The following ABLIM1 variants were observed in gnomAD, a reference collection of about 807,000 sequenced individuals.
ABLIM1 encodes actin binding LIM protein 1.
A neutral mutation model predicts 107.0 loss-of-function variants in ABLIM1; 40 were observed. That is an observed-to-expected ratio of 0.37 (90% CI 0.29 to 0.49). The LOEUF (loss-of-function observed/expected upper bound fraction) is 0.49, where lower values mean the gene tolerates loss of function less well. Among genes scored for constraint, ABLIM1 ranks in the 20% least tolerant of loss-of-function variants. The probability of loss-of-function intolerance (pLI) is 0.97; values close to 1 mark genes in which losing one functional copy is unlikely to be tolerated. For synonymous variants in ABLIM1, 357 were observed against 357.3 expected, an observed-to-expected ratio of 1.00 and a Z score of 0.01; for missense variants, 857 against 1,008.5, an observed-to-expected ratio of 0.85 and a Z score of 2.04.
In ABLIM1 at chr10:114,444,111, C is replaced by T. The variant is rs749651541; in HGVS notation, c.1851G>A (p.Leu617=). ...CTTTCTCCATCTCTTCTTTCAAGAT[C>T]AACTGTCCCAGGCCTGAGTTAAGCT... is the stretch of plus-strand genomic sequence containing the variant. The part of the protein sequence containing the change: ...LMKLNSGLGQ[L]ILKEEMEKES... The change falls in exon 17 of 23, where the codon TTG becomes TTA. Residue 617 remains leucine, a synonymous_variant. Coordinates refer to ENST00000533213, the MANE Select transcript of ABLIM1 (RefSeq NM_002313.7). The T allele has an allele frequency of 1.4e-5, 22 of 1,584,826 alleles. No individual in the cohort carries two copies. The highest frequency in any genetic ancestry group is 1.9e-5 in the Non-Finnish European group (22 of 1,161,210).
At chr10:114,664,285 T>C (rs967818445) in intron 1 of ABLIM1, among the ~76,000 whole-genome samples, 1 of 152,170 alleles carries the variant, frequency 6.6e-6, no homozygotes, top group Non-Finnish European at 1.5e-5. Context: ...ATTCATTAAG[T>C]GCCTACAAAA....
chr10:114,518,679 T>C (rs577381668), intron 6 of ABLIM1, among the ~76,000 whole-genome samples: 2 of 151,992 alleles, frequency 1.3e-5, no homozygotes, highest in African/African-American at 4.8e-5. Flanking sequence ...CTTTAGCCCA[T>C]ACGTAGCTGA....
intron 1 of ABLIM1, among the ~76,000 whole-genome samples, chr10:114,663,869 G>T (rs531654838): frequency 6.6e-6 from 1 of 152,304 alleles, no homozygotes; most frequent in Non-Finnish European, 1.5e-5. Context: ...CTTGGAGCAG[G>T]TACACGGTGC....
chr10:114,663,127 C>G (rs2079865856), upstream of ABLIM1, among the ~76,000 whole-genome samples: 1 of 152,224 alleles, frequency 6.6e-6, no homozygotes, highest in Admixed American at 6.5e-5. Context: ...TCCCCTGCTT[C>G]TTTTGCTTTT....
At chr10:114,627,645 T>C (rs1273889718) in intron 1 of ABLIM1, among the ~76,000 whole-genome samples, 2 of 152,212 alleles carry the variant, frequency 1.3e-5, no homozygotes, top group Non-Finnish European at 2.9e-5. Flanking sequence ...ACATATCTAC[T>C]TTGATGAAGA....
chr10:114,447,978 TTGA>T lies in ABLIM1; in HGVS notation c.1634_1636del (p.Ile545del), dbSNP rs2061285203. ...CTGGGCTGCTGGGAACTTGGAAAAC[TTGA>T]TGATATCTTCTGAGGACTTGCTCTG... On this transcript the variant is annotated inframe_deletion, in exon 15 of 23. Coordinates refer to ENST00000533213, the MANE Select transcript of ABLIM1 (RefSeq NM_002313.7). The T allele has an allele frequency of 6.2e-7, 1 of 1,614,154 alleles. No homozygotes were observed. The highest frequency in any genetic ancestry group is 8.5e-7 in the Non-Finnish European group (1 of 1,180,034).
intron 4 of ABLIM1, among the ~76,000 whole-genome samples, chr10:114,558,068 C>G (rs2069038178): frequency 6.6e-6 from 1 of 152,118 alleles, no homozygotes; most frequent in African/African-American, 2.4e-5. Context: ...CCTATTAAAG[C>G]CTTCTTCCTT....
At chr10:114,491,748 C>A in intron 7 of ABLIM1, 43 bp downstream of exon 7, 1 of 1,525,010 alleles carries the variant, frequency 6.6e-7, no homozygotes, top group Non-Finnish European at 9.1e-7. Flanking sequence ...GATTTCCTTT[C>A]CCCCAGCAAG....
intron 16 of ABLIM1, among the ~76,000 whole-genome samples, chr10:114,444,956 C>T (rs2060792511): frequency 6.6e-6 from 1 of 152,222 alleles, no homozygotes; most frequent in African/African-American, 2.4e-5. Context: ...GAAGGTGTGG[C>T]ACTACCTGGG....
chr10:114,726,198 A>G (rs144981143), intron 1 of ABLIM1, among the ~76,000 whole-genome samples: 3 of 151,524 alleles, frequency 2.0e-5, no homozygotes, highest in Non-Finnish European at 4.4e-5. Flanking sequence ...GTTGTTACAA[A>G]ATGAACCTGA....
Position 114,434,199 on chromosome 10 carries a change from G to A in ABLIM1, c.*2061C>T, listed in dbSNP as rs1213651012. 1 of 152,016 alleles carries A rather than the reference G, an allele frequency of 6.6e-6. No homozygotes were observed. The highest frequency in any genetic ancestry group is 1.5e-5 in the Non-Finnish European group (1 of 68,056). 9.4% of individuals were successfully genotyped at this position (152,016 alleles called of 1,614,324 possible). ...AAGGCTAAACTGCAAACTGCAGTGT[G>A]GCTTCCAACCAAGCAAGAGCTGGTC... is the stretch of plus-strand genomic sequence containing the variant. On this transcript the variant is annotated 3_prime_UTR_variant, in exon 23 of 23. Coordinates refer to ENST00000533213, the MANE Select transcript of ABLIM1 (RefSeq NM_002313.7).
At chr10:114,438,883 C>T (rs2059794771) in intron 21 of ABLIM1, among the ~76,000 whole-genome samples, 2 of 152,226 alleles carry the variant, frequency 1.3e-5, no homozygotes, top group South Asian at 4.1e-4. Flanking sequence ...AGCCACTCCA[C>T]TCAGCACCGG....
intron 6 of ABLIM1, among the ~76,000 whole-genome samples, chr10:114,496,260 G>A (rs550921004): frequency 1.6e-4 from 24 of 152,286 alleles, no homozygotes; most frequent in African/African-American, 5.1e-4. Flanking sequence ...GCAGGACTTC[G>A]CTCTATAAAT....
chr10:114,629,755 A>C lies in ABLIM1; in HGVS notation c.245-27794T>G, dbSNP rs1015143950. On this transcript the variant is annotated intron_variant, in intron 1 of 22. Transcript: ENST00000533213. The surrounding 1 kb of genome is among the most constrained non-coding windows in gnomAD (Gnocchi z 4.0). ...ATCTCTAGGATGAATGCCTGGACTA[A>C]ACGATCCCCAGTGCCCTTCTCACTT... Among the ~76,000 whole-genome samples, 23 of 152,162 alleles carry C rather than the reference A, an allele frequency of 1.5e-4. No individual in the cohort carries two copies. Among genetic ancestry groups the C allele is most frequent in the Non-Finnish European group, 1.5e-5 (1 of 68,048 alleles).
At chr10:114,627,148 T>C (rs961146450) in intron 1 of ABLIM1, among the ~76,000 whole-genome samples, 1 of 152,186 alleles carries the variant, frequency 6.6e-6, no homozygotes, top group Non-Finnish European at 1.5e-5. Context: ...AACTTTAAGA[T>C]CATTTGTTCT....
chr10:114,572,555 C>CT (rs1214490449), intron 3 of ABLIM1, among the ~76,000 whole-genome samples: 1 of 152,198 alleles, frequency 6.6e-6, no homozygotes, highest in Non-Finnish European at 1.5e-5. Context: ...TGCTGTGTCA[C>CT]TTTCGGCAGT....
At chr10:114,703,472 T>C (rs1399708625) in intron 1 of ABLIM1, among the ~76,000 whole-genome samples, 1 of 152,192 alleles carries the variant, frequency 6.6e-6, no homozygotes, top group Non-Finnish European at 1.5e-5. Flanking sequence ...GGCATAATTG[T>C]ACCCATTTTA....
rs2059480699 is a variant in ABLIM1, at chr10:114,436,854, T to C, written c.2224-481A>G. ...ATCAGTCATTCCCCCCTAGAAAAGT[T>C]CCCCCAAGATCCTGCAGCCTTTATT... is the stretch of plus-strand genomic sequence containing the variant. On this transcript the variant is annotated intron_variant, in intron 22 of 22. Transcript: ENST00000533213. Among the ~76,000 whole-genome samples, 4 of 151,808 alleles carry C rather than the reference T, an allele frequency of 2.6e-5. No individual in the cohort carries two copies. In the South Asian group the frequency reaches 8.3e-4, roughly 32 times the overall value.
At chr10:114,569,380 C>A (rs924903134) in intron 4 of ABLIM1, among the ~76,000 whole-genome samples, 1 of 151,320 alleles carries the variant, frequency 6.6e-6, no homozygotes, top group Non-Finnish European at 1.5e-5. Flanking sequence ...AGTGCAGTGG[C>A]GCGATCTCGG....
Sources: allele counts gnomAD v4.1 joint callset (sites outside exome capture counted in the v4.1 genomes callset), GRCh38; gene constraint gnomAD v4.1.1; non-coding constraint Gnocchi (gnomAD v3.1); transcripts MANE v1.5; gene names NCBI Gene and HGNC (gene_info 2026-07-23, HGNC 2026-07-21).